The following CPQ variants were observed in gnomAD, a reference collection of about 807,000 sequenced individuals.
CPQ encodes the protein Ser-Met dipeptidase.
Under a neutral mutation model 45.7 loss-of-function variants are expected in CPQ, and 37 were observed. The observed-to-expected ratio is 0.81, with a 90% confidence interval of 0.62 to 1.07. The LOEUF is 1.07. Among genes scored for constraint, CPQ ranks in the 50% least tolerant of loss-of-function variants. CPQ has a pLI of 0.00. For synonymous variants in CPQ, 186 were observed against 205.8 expected (o/e 0.90, Z 0.82); for missense variants, 537 against 572.9 (o/e 0.94, Z 0.64).
At chr8:97,059,538 T>G (rs972180820) in intron 6 of CPQ, among the ~76,000 whole-genome samples, 1 of 152,162 alleles carries the variant, frequency 6.6e-6, no homozygotes, top group Non-Finnish European at 1.5e-5. Flanking sequence ...AAAGGAAAAG[T>G]CTGAACTTCA....
chr8:96,824,639 TC>T (rs1290408756), intron 2 of CPQ, among the ~76,000 whole-genome samples: 1 of 151,958 alleles, frequency 6.6e-6, no homozygotes. Flanking sequence ...TCCACATGGA[TC>T]CTTGGGAATG....
Position 97,061,076 on chromosome 8 carries a change from C to T in CPQ, c.1054-4933C>T, listed in dbSNP as rs563459171. ...TATATATAAATAGAAAACAATAAAA[C>T]GCTGCCATCATGTAAGCAGCAACTT... On this transcript the variant is annotated intron_variant, in intron 6 of 7. Transcript: ENST00000220763. Among the ~76,000 whole-genome samples, 9 of 152,202 alleles carry T rather than the reference C, an allele frequency of 5.9e-5. No individual in the cohort carries two copies. The South Asian group carries it at 1.2e-3, about 21-fold the overall frequency.
chr8:96,789,952 G>C (rs1329597603), intron 2 of CPQ, among the ~76,000 whole-genome samples: 1 of 151,994 alleles, frequency 6.6e-6, no homozygotes, highest in African/African-American at 2.4e-5. Context: ...CAACCCCCAG[G>C]GTTTACTGGG....
rs142041977 is a variant in CPQ, at chr8:96,958,654, C to T, written c.850-7281C>T. On this transcript the variant is annotated intron_variant, in intron 4 of 7. Coordinates refer to ENST00000220763, the MANE Select transcript of CPQ (RefSeq NM_016134.4). ...TACCTAGTGCTTGGTTTTCATGCGC[C>T]GCAGATAAATTAGGTCCTTCTTGTT... Among the ~76,000 whole-genome samples the T allele has an allele frequency of 2.0e-3, 312 of 152,232 alleles. 1 individual carries two copies. The highest frequency in any genetic ancestry group is 7.2e-3 in the African/African-American group (299 of 41,538).
chr8:96,750,130 G>GTA (rs773397308), intron 1 of CPQ, among the ~76,000 whole-genome samples: 9 of 151,274 alleles, frequency 5.9e-5, no homozygotes, highest in Non-Finnish European at 7.4e-5. Context: ...ATATATACAT[G>GTA]TATATATATA....
intron 4 of CPQ, among the ~76,000 whole-genome samples, chr8:96,962,326 T>C (rs926186877): frequency 2.6e-5 from 4 of 152,178 alleles, no homozygotes; most frequent in Non-Finnish European, 4.4e-5. Context: ...TTGGAAAAGA[T>C]GATGGTGAAA....
At chr8:96,855,995 G>A (rs963975265) in intron 3 of CPQ, among the ~76,000 whole-genome samples, 1 of 152,182 alleles carries the variant, frequency 6.6e-6, no homozygotes. Flanking sequence ...CCAGTTCTGG[G>A]ACTGAAAGAA....
intron 1 of CPQ, among the ~76,000 whole-genome samples, chr8:96,710,088 G>T (rs1400505047): frequency 6.6e-6 from 1 of 151,800 alleles, no homozygotes; most frequent in Non-Finnish European, 1.5e-5. Flanking sequence ...GTTTATTCAG[G>T]GTTTCTATTT....
chr8:96,697,630 AG>A (rs1370041633), intron 1 of CPQ, among the ~76,000 whole-genome samples: 3 of 152,186 alleles, frequency 2.0e-5, no homozygotes, highest in African/African-American at 7.2e-5. Flanking sequence ...CCACCAAAAA[AG>A]TATGAGAACT....
At chr8:97,136,074 T>G (rs759907988) in intron 7 of CPQ, among the ~76,000 whole-genome samples, 1 of 152,304 alleles carries the variant, frequency 6.6e-6, no homozygotes, top group Non-Finnish European at 1.5e-5. Flanking sequence ...GGCTGAAATC[T>G]GCTGTGAACA....
intron 3 of CPQ, among the ~76,000 whole-genome samples, chr8:96,859,130 CTGAT>C (rs1411789790): frequency 6.6e-6 from 1 of 152,190 alleles, no homozygotes; most frequent in Non-Finnish European, 1.5e-5. Flanking sequence ...GGTTGAAAGA[CTGAT>C]TGCCTTAATC....
intron 1 of CPQ, among the ~76,000 whole-genome samples, chr8:96,655,154 A>G (rs1050227794): frequency 1.1e-4 from 17 of 152,050 alleles, no homozygotes; most frequent in African/African-American, 4.1e-4. Flanking sequence ...CTTTTAAAAT[A>G]TACTTTCTGG....
chr8:96,807,620 A>C (rs1282200797), intron 2 of CPQ, among the ~76,000 whole-genome samples: 1 of 152,202 alleles, frequency 6.6e-6, no homozygotes, highest in Non-Finnish European at 1.5e-5. Context: ...TTACACCTGC[A>C]TGGTAAATGC....
chr8:96,746,753 A>G (rs542001788), intron 1 of CPQ, among the ~76,000 whole-genome samples: 7 of 152,146 alleles, frequency 4.6e-5, no homozygotes, highest in African/African-American at 1.7e-4. Flanking sequence ...TGTGAAAGCA[A>G]TTTCACAAGT....
At chr8:96,952,323 G>A (rs1238220226) in intron 4 of CPQ, among the ~76,000 whole-genome samples, 1 of 152,022 alleles carries the variant, frequency 6.6e-6, no homozygotes, top group African/African-American at 2.4e-5. Flanking sequence ...CTTCTCTGTG[G>A]AAAAGTAGAA....
At chr8:96,886,251 C>T (rs560842683) in intron 4 of CPQ, among the ~76,000 whole-genome samples, 2 of 152,268 alleles carry the variant, frequency 1.3e-5, no homozygotes, top group Admixed American at 1.3e-4. Flanking sequence ...TCTGGAAGCT[C>T]TGACATTAGC....
At chr8:96,853,350 A>G (rs1467659067) in intron 3 of CPQ, among the ~76,000 whole-genome samples, 1 of 152,236 alleles carries the variant, frequency 6.6e-6, no homozygotes, top group Non-Finnish European at 1.5e-5. Flanking sequence ...GAACAGGAAG[A>G]GAAAGCTCAA....
intron 1 of CPQ, among the ~76,000 whole-genome samples, chr8:96,728,169 T>G (rs1008484416): frequency 1.3e-5 from 2 of 152,176 alleles, no homozygotes; most frequent in Non-Finnish European, 2.9e-5. Context: ...TACTTACCCT[T>G]TCCTTTCTCT....
At chr8:97,078,023 T>A (rs1371529826) in intron 7 of CPQ, among the ~76,000 whole-genome samples, 1 of 152,228 alleles carries the variant, frequency 6.6e-6, no homozygotes, top group East Asian at 1.9e-4. Context: ...TTTACTAGTA[T>A]CACCCAAAGA....
Sources: gnomAD v4.1 joint callset for allele counts (sites outside exome capture counted in the v4.1 genomes callset) on GRCh38, gnomAD v4.1.1 for gene constraint, MANE v1.5 for transcripts, NCBI Gene and HGNC (gene_info 2026-07-23, HGNC 2026-07-21) for gene names.